The following SLC24A3 variants were observed in gnomAD, a reference collection of about 807,000 sequenced individuals.
The protein encoded by SLC24A3 is sodium/potassium/calcium exchanger 3.
Under a neutral mutation model 75.8 loss-of-function variants are expected in SLC24A3, and 28 were observed. The observed-to-expected ratio is 0.37, with a 90% CI of 0.27 to 0.51. The LOEUF is 0.51. SLC24A3 is among the 20% of genes least tolerant of loss of function. The probability of loss-of-function intolerance (pLI) is 0.94; values close to 1 mark genes in which losing one functional copy is unlikely to be tolerated. For missense variants in SLC24A3, 663 were observed against 847.8 expected (o/e 0.78, Z 2.71); for synonymous variants, 372 against 334.1 (o/e 1.11, Z -1.24).
At position 19,531,074 on chromosome 20, in the gene SLC24A3, T is replaced by G. The variant is rs2030289355; in HGVS notation, c.348+15510T>G. On this transcript the variant is annotated intron_variant, in intron 3 of 16. Transcript: ENST00000328041. ...TTGCCTGTGGTTCAGCCTATCCGTG[T>G]GCTGTAGTCACACCAATTCTGAACC... is the stretch of plus-strand genomic sequence containing the variant. Among the ~76,000 whole-genome samples, 3 of 151,996 alleles carry G rather than the reference T, an allele frequency of 2.0e-5. No individual in the cohort carries two copies. In the South Asian group the frequency reaches 6.2e-4, roughly 31 times the overall value.
At chr20:19,662,202 C>T (rs1014992268) in intron 7 of SLC24A3, among the ~76,000 whole-genome samples, 3 of 152,132 alleles carry the variant, frequency 2.0e-5, no homozygotes, top group African/African-American at 7.2e-5. Flanking sequence ...TCTGGGCTAT[C>T]GCAGAGCCTG....
chr20:19,464,182 G>A (rs1469708357), intron 2 of SLC24A3, among the ~76,000 whole-genome samples: 1 of 152,218 alleles, frequency 6.6e-6, no homozygotes, highest in Non-Finnish European at 1.5e-5. Context: ...CCAGAAATGG[G>A]CTTTCCTATG....
chr20:19,644,237 C>T (rs959526891), intron 6 of SLC24A3, among the ~76,000 whole-genome samples: 6 of 152,150 alleles, frequency 3.9e-5, no homozygotes, highest in Non-Finnish European at 7.3e-5. Flanking sequence ...CGGGGAGGGC[C>T]GTGGACCTCC....
At chr20:19,439,591 A>G (rs1311450498) in intron 2 of SLC24A3, among the ~76,000 whole-genome samples, 2 of 152,180 alleles carry the variant, frequency 1.3e-5, no homozygotes, top group South Asian at 2.1e-4. Flanking sequence ...AATGATTACT[A>G]ATAATAGCCT....
intron 2 of SLC24A3, among the ~76,000 whole-genome samples, chr20:19,400,355 A>G (rs1379697514): frequency 1.3e-5 from 2 of 152,168 alleles, no homozygotes; most frequent in African/African-American, 4.8e-5. Flanking sequence ...AATCACAGCA[A>G]TGCTCACTGG....
intron 3 of SLC24A3, among the ~76,000 whole-genome samples, chr20:19,555,006 G>A (rs754388370): frequency 1.6e-4 from 24 of 152,102 alleles, no homozygotes; most frequent in Non-Finnish European, 5.9e-5. Flanking sequence ...AGATACAATT[G>A]GATTAAGCAG....
chr20:19,227,235 C>T (rs141161546), intron 1 of SLC24A3, among the ~76,000 whole-genome samples: 61 of 152,294 alleles, frequency 4.0e-4, no homozygotes, highest in African/African-American at 1.3e-3. Context: ...ACGTTTTACA[C>T]GTTTGTTGAA....
intron 2 of SLC24A3, among the ~76,000 whole-genome samples, chr20:19,379,701 G>A (rs1360458093): frequency 6.6e-6 from 1 of 152,080 alleles, no homozygotes; most frequent in African/African-American, 2.4e-5. Flanking sequence ...CTCTATACAA[G>A]CCTCCCCTCC....
chr20:19,702,565 G>A (rs1371406643), intron 15 of SLC24A3, among the ~76,000 whole-genome samples: 1 of 151,854 alleles, frequency 6.6e-6, no homozygotes, highest in Non-Finnish European at 1.5e-5. Context: ...GAAGACTTTG[G>A]AGAAAGGTGT....
At chr20:19,234,169 C>T (rs1982102894) in intron 1 of SLC24A3, among the ~76,000 whole-genome samples, 2 of 152,190 alleles carry the variant, frequency 1.3e-5, no homozygotes, top group Admixed American at 6.5e-5. Context: ...AGTATAAACC[C>T]GTGTTTTTCA....
intron 2 of SLC24A3, among the ~76,000 whole-genome samples, chr20:19,514,382 G>C (rs1239075097): frequency 6.6e-6 from 1 of 152,252 alleles, no homozygotes; most frequent in Non-Finnish European, 1.5e-5. Flanking sequence ...AAATAAGACA[G>C]GTGGCAAGCA....
intron 2 of SLC24A3, among the ~76,000 whole-genome samples, chr20:19,400,901 G>A (rs1986540255): frequency 6.6e-6 from 1 of 152,008 alleles, no homozygotes; most frequent in Non-Finnish European, 1.5e-5. Flanking sequence ...TTTATTTTTG[G>A]TTGTTTAATG....
At chr20:19,678,584 C>A (rs915198967) in intron 9 of SLC24A3, among the ~76,000 whole-genome samples, 1 of 145,796 alleles carries the variant, frequency 6.9e-6, no homozygotes, top group African/African-American at 2.6e-5. Context: ...CCAGTAGGGG[C>A]GGCTGGGCAG....
intron 3 of SLC24A3, among the ~76,000 whole-genome samples, chr20:19,569,201 T>C (rs2031010141): frequency 6.6e-6 from 1 of 152,186 alleles, no homozygotes. Flanking sequence ...GCCATATCAG[T>C]GTTCTTCTGC....
intron 3 of SLC24A3, among the ~76,000 whole-genome samples, chr20:19,545,825 CT>C (rs1445770214): frequency 1.3e-5 from 2 of 152,088 alleles, no homozygotes; most frequent in Non-Finnish European, 2.9e-5. Flanking sequence ...GCTTTCATTT[CT>C]TTGGACGTAA....
intron 9 of SLC24A3, among the ~76,000 whole-genome samples, chr20:19,680,166 G>T (rs570404930): frequency 6.8e-6 from 1 of 147,298 alleles, no homozygotes; most frequent in South Asian, 2.1e-4. Context: ...GTGTGTCTGT[G>T]TGTCTCTGTG....
At chr20:19,462,399 G>A (rs1568624880) in intron 2 of SLC24A3, among the ~76,000 whole-genome samples, 2 of 151,972 alleles carry the variant, frequency 1.3e-5, no homozygotes, top group Non-Finnish European at 2.9e-5. Flanking sequence ...AGGGACTACG[G>A]GCGCCTGACA....
chr20:19,313,572 C>T (rs1984512873), intron 2 of SLC24A3, among the ~76,000 whole-genome samples: 1 of 152,248 alleles, frequency 6.6e-6, no homozygotes, highest in Non-Finnish European at 1.5e-5. Context: ...TGGCCCATTT[C>T]AGCTCTGAGG....
chr20:19,438,610 T>G (rs887851029), intron 2 of SLC24A3, among the ~76,000 whole-genome samples: 1 of 151,560 alleles, frequency 6.6e-6, no homozygotes, highest in Non-Finnish European at 1.5e-5. Flanking sequence ...AAGCTGCTCA[T>G]TGGCCTCCCC....
Sources: gnomAD v4.1 joint callset for allele counts (sites outside exome capture counted in the v4.1 genomes callset) on GRCh38, gnomAD v4.1.1 for gene constraint, MANE v1.5 for transcripts, NCBI Gene and HGNC (gene_info 2026-07-23, HGNC 2026-07-21) for gene names.